The following ACER3 variants were observed in gnomAD, a reference collection of about 807,000 sequenced individuals.
ACER3 encodes alkaline ceramidase 3.
Under a neutral mutation model 48.9 loss-of-function variants are expected in ACER3, and 16 were observed. The ratio of observed to expected loss-of-function variants is 0.33; its 90% CI spans 0.22 to 0.50. The LOEUF is 0.50. ACER3 is among the 20% of genes least tolerant of loss of function. The pLI, the probability that ACER3 is intolerant of heterozygous loss-of-function variation, is 0.98. For synonymous variants in ACER3, 109 were observed against 107.8 expected, an observed-to-expected ratio of 1.01 and a Z score of -0.07; for missense variants, 227 against 326.0, an observed-to-expected ratio of 0.70 and a Z score of 2.34.
chr11:76,901,719 G>A (rs758869542), intron 1 of ACER3, among the ~76,000 whole-genome samples: 1 of 152,126 alleles, frequency 6.6e-6, no homozygotes, highest in Non-Finnish European at 1.5e-5. Flanking sequence ...CGTGACTGGG[G>A]ACTGCATGCA....
chr11:76,885,962 A>C (rs936276388), intron 1 of ACER3, among the ~76,000 whole-genome samples: 3 of 152,204 alleles, frequency 2.0e-5, no homozygotes, highest in African/African-American at 7.2e-5. Context: ...GAAAGCAGAT[A>C]AGAAAGCCGT....
intron 2 of ACER3, among the ~76,000 whole-genome samples, chr11:76,932,966 G>A (rs1947050120): frequency 6.6e-6 from 1 of 152,018 alleles, no homozygotes; most frequent in African/African-American, 2.4e-5. Context: ...TAAAGGCCTT[G>A]AAAGTGTGTC....
intron 2 of ACER3, among the ~76,000 whole-genome samples, chr11:76,935,081 G>A (rs563050234): frequency 2.4e-4 from 36 of 152,082 alleles, no homozygotes; most frequent in South Asian, 8.3e-4. Flanking sequence ...AGAATTCATC[G>A]AACTTAATAA....
At chr11:76,864,451 GA>G (rs1385108132) in intron 1 of ACER3, among the ~76,000 whole-genome samples, 7 of 151,736 alleles carry the variant, frequency 4.6e-5, no homozygotes, top group African/African-American at 7.3e-5. Flanking sequence ...GTAGGGAAAT[GA>G]AAAAAGTAAG....
intron 3 of ACER3, among the ~76,000 whole-genome samples, chr11:76,964,558 C>T (rs925307861): frequency 3.2e-4 from 48 of 151,410 alleles, no homozygotes; most frequent in East Asian, 1.9e-4. Context: ...CTGGGAGGCA[C>T]CCCCCAGTAG....
At chr11:76,871,698 C>T (rs1945244183) in intron 1 of ACER3, among the ~76,000 whole-genome samples, 1 of 152,142 alleles carries the variant, frequency 6.6e-6, no homozygotes, top group Non-Finnish European at 1.5e-5. Context: ...CTAAAAGATG[C>T]TAGACTCTCA....
chr11:76,933,582 A>G (rs1947077949), intron 2 of ACER3, among the ~76,000 whole-genome samples: 2 of 152,018 alleles, frequency 1.3e-5, no homozygotes, highest in African/African-American at 4.8e-5. Context: ...CATGTTTCAG[A>G]GAGCACAGGG....
chr11:76,890,294 G>A (rs1028170031), intron 1 of ACER3, among the ~76,000 whole-genome samples: 25 of 152,186 alleles, frequency 1.6e-4, no homozygotes, highest in African/African-American at 5.3e-4. Context: ...TTTCTCTACT[G>A]TATTGATAAT....
At chr11:76,877,756 C>T (rs1300571133) in intron 1 of ACER3, among the ~76,000 whole-genome samples, 6 of 152,098 alleles carry the variant, frequency 3.9e-5, no homozygotes, top group Admixed American at 3.9e-4. Context: ...CTGTGTCCTT[C>T]CCTGATCCCA....
rs190125454 is a variant in ACER3, at chr11:76,915,120, T to G, written c.104-11437T>G. Among the ~76,000 whole-genome samples the G allele has an allele frequency of 8.9e-3, 1,346 of 151,924 alleles. 20 individuals carry two copies. The highest frequency in any genetic ancestry group is 0.034 in the Middle Eastern group (10 of 294). ...AGTTAATGGGTGCAGCACACCAACA[T>G]GGCACATGTATACATATGTAACAAA... On this transcript the variant is annotated intron_variant, in intron 1 of 10. Transcript: ENST00000532485.
chr11:76,963,463 C>T (rs771249661), intron 3 of ACER3, among the ~76,000 whole-genome samples: 2 of 108,152 alleles, frequency 1.8e-5, no homozygotes, highest in Non-Finnish European at 4.8e-5. Flanking sequence ...ACCACAAGCT[C>T]GGATAACACA....
At chr11:76,974,770 AG>A (rs1203795693) in intron 3 of ACER3, among the ~76,000 whole-genome samples, 1 of 73,522 alleles carries the variant, frequency 1.4e-5, no homozygotes, top group Non-Finnish European at 3.6e-5. Context: ...TGTTGTATGA[AG>A]GGGTTAAAAA....
intron 1 of ACER3, among the ~76,000 whole-genome samples, chr11:76,861,311 G>C (rs1195607354): frequency 6.6e-6 from 1 of 150,566 alleles, no homozygotes; most frequent in Non-Finnish European, 1.5e-5. Context: ...CCTGAGGATT[G>C]GGGGGGCAGA....
intron 4 of ACER3, among the ~76,000 whole-genome samples, chr11:76,982,221 T>A: frequency 6.7e-6 from 1 of 148,616 alleles, no homozygotes; most frequent in African/African-American, 2.4e-5. Flanking sequence ...CTTTTTCCTT[T>A]TTTTTTTTTT....
rs955951533 is a variant in ACER3 at position 77,021,146 on chromosome 11, A to C, written c.*819A>C. On this transcript the variant is annotated 3_prime_UTR_variant, in exon 11 of 11. Coordinates refer to ENST00000532485, the MANE Select transcript of ACER3 (RefSeq NM_018367.7). The stretch of plus-strand genomic sequence containing the variant: ...GCTAGACAAATATGACTGGTGGTCT[A>C]GACTACCCATAGTTCATCCTCCTCA... 1 of 152,230 alleles carries C rather than the reference A, an allele frequency of 6.6e-6. No individual in the cohort carries two copies. Among genetic ancestry groups the C allele is most frequent in the Non-Finnish European group, 1.5e-5 (1 of 68,050 alleles). 9.4% of individuals were successfully genotyped at this position (152,230 alleles called of 1,614,324 possible).
chr11:76,929,676 G>A (rs1221565124), intron 2 of ACER3, among the ~76,000 whole-genome samples: 3 of 152,194 alleles, frequency 2.0e-5, no homozygotes, highest in South Asian at 2.1e-4. Flanking sequence ...TTTTTAGCAC[G>A]AAGGGCTGTT....
At chr11:76,936,017 G>T (rs1947171312) in intron 2 of ACER3, among the ~76,000 whole-genome samples, 1 of 152,104 alleles carries the variant, frequency 6.6e-6, no homozygotes, top group Non-Finnish European at 1.5e-5. Flanking sequence ...AAAACACCCT[G>T]CATTAGTTTG....
At chr11:76,931,976 T>C (rs893170712) in intron 2 of ACER3, among the ~76,000 whole-genome samples, 16 of 144,618 alleles carry the variant, frequency 1.1e-4, no homozygotes, top group African/African-American at 4.1e-4. Flanking sequence ...TTTGACAGAG[T>C]CGCACTCTGT....
chr11:77,004,465 T>C (rs1949093682), intron 7 of ACER3, among the ~76,000 whole-genome samples: 1 of 152,232 alleles, frequency 6.6e-6, no homozygotes, highest in Admixed American at 6.5e-5. Flanking sequence ...TTCTGTATCA[T>C]TGTTGATTCT....
Sources: gnomAD v4.1 joint callset for allele counts (sites outside exome capture counted in the v4.1 genomes callset) on GRCh38, gnomAD v4.1.1 for gene constraint, MANE v1.5 for transcripts, NCBI Gene and HGNC (gene_info 2026-07-23, HGNC 2026-07-21) for gene names.